The following LPIN1 variants were observed in gnomAD, a reference collection of about 807,000 sequenced individuals.
The protein encoded by LPIN1 is lipin 1, also known as phosphatidate phosphatase LPIN1.
LPIN1 carries 71 observed loss-of-function variants against 107.5 expected under a neutral mutation model. The observed-to-expected ratio is 0.66, with a 90% confidence interval of 0.55 to 0.80. The LOEUF (loss-of-function observed/expected upper bound fraction) is 0.80, where lower values mean the gene tolerates loss of function less well. Among genes scored for constraint, LPIN1 ranks in the 30% least tolerant of loss-of-function variants. The probability of loss-of-function intolerance (pLI) is 0.00; values close to 1 mark genes in which losing one functional copy is unlikely to be tolerated. For missense variants in LPIN1, 1,043 were observed against 1,160.6 expected, an observed-to-expected ratio of 0.90 and a Z score of 1.47; for synonymous variants, 445 against 452.6, an observed-to-expected ratio of 0.98 and a Z score of 0.21.
intron 20 of LPIN1, among the ~76,000 whole-genome samples, chr2:11,823,648 G>A (rs1054041863): frequency 6.6e-6 from 1 of 152,220 alleles, no homozygotes; most frequent in Non-Finnish European, 1.5e-5. Context: ...CTGTCAAGGA[G>A]GAATCTGGGG....
intron 1 of LPIN1, among the ~76,000 whole-genome samples, chr2:11,703,995 G>A (rs969797738): frequency 6.6e-6 from 1 of 152,158 alleles, no homozygotes; most frequent in East Asian, 1.9e-4. Context: ...TGCCTTGGTG[G>A]GGGTGGCTGG....
intron 17 of LPIN1, among the ~76,000 whole-genome samples, chr2:11,808,769 G>A (rs549070273): frequency 6.6e-6 from 1 of 151,918 alleles, no homozygotes; most frequent in South Asian, 2.1e-4. Context: ...AGCTGCTCGG[G>A]AGGCTGAGGC....
chr2:11,814,983 T>G, intron 17 of LPIN1, 105 bp from the exon 18 acceptor site: 1 of 1,104,550 alleles, frequency 9.1e-7, no homozygotes, highest in Non-Finnish European at 1.4e-6. Context: ...TGGGGGAACT[T>G]GAAACAGTGC....
chr2:11,678,793 T>C (rs1661560152), intron 1 of LPIN1, among the ~76,000 whole-genome samples: 1 of 152,156 alleles, frequency 6.6e-6, no homozygotes, highest in Non-Finnish European at 1.5e-5. Context: ...GCTTGGCCCT[T>C]TGGGCAAGTA....
chr2:11,726,267 C>A (rs1026026068), intron 1 of LPIN1, among the ~76,000 whole-genome samples: 2 of 152,162 alleles, frequency 1.3e-5, no homozygotes, highest in Non-Finnish European at 2.9e-5. Context: ...CTCTCCCGGA[C>A]CTTCAGGACA....
rs193224259 is a variant in LPIN1, at chr2:11,739,002, C to T, written c.-71-2347C>T. Among the ~76,000 whole-genome samples the T allele has an allele frequency of 3.1e-3, 466 of 152,322 alleles. 2 individuals carry two copies. Among genetic ancestry groups the T allele is most frequent in the Non-Finnish European group, 5.2e-3 (356 of 68,032 alleles). On this transcript the variant is annotated intron_variant, in intron 1 of 21. Transcript: ENST00000396097. ...TGATAGTCTTCCTTTCAAAAAGAGG[C>T]GCCTACACCTACCTCCCTTGAATGT...
intron 3 of LPIN1, among the ~76,000 whole-genome samples, chr2:11,768,655 G>A (rs948558430): frequency 2.6e-5 from 4 of 151,908 alleles, no homozygotes; most frequent in Non-Finnish European, 4.4e-5. Flanking sequence ...AACAACTTGG[G>A]GCTGGGCATG....
chr2:11,685,853 T>A (rs568329410), intron 1 of LPIN1, among the ~76,000 whole-genome samples: 8 of 152,342 alleles, frequency 5.3e-5, no homozygotes, highest in African/African-American at 1.4e-4. Flanking sequence ...TTCTCTTTTC[T>A]CAGCCCTTCA....
At chr2:11,742,047 C>T (rs1666414665), upstream of LPIN1, 1 of 152,146 alleles carries the variant, frequency 6.6e-6, no homozygotes, top group African/African-American at 2.4e-5. Context: ...CTCTGTTTAA[C>T]AGCTGAGGAC....
intron 1 of LPIN1, among the ~76,000 whole-genome samples, chr2:11,708,056 G>A (rs1663214773): frequency 6.6e-6 from 1 of 152,070 alleles, no homozygotes; most frequent in Non-Finnish European, 1.5e-5. Flanking sequence ...GTGTCAGGCA[G>A]TGGGGCAGCA....
chr2:11,677,944 G>A (rs1219443649), intron 1 of LPIN1, among the ~76,000 whole-genome samples: 7 of 152,390 alleles, frequency 4.6e-5, no homozygotes, highest in Admixed American at 1.3e-4. Context: ...AGAGGAGGCT[G>A]TAGAACTTAT....
chr2:11,703,075 T>C (rs1482130396), intron 1 of LPIN1, among the ~76,000 whole-genome samples: 13 of 152,110 alleles, frequency 8.5e-5, no homozygotes, highest in Non-Finnish European at 1.9e-4. Flanking sequence ...AGATTAGAGG[T>C]TTTGGCAAAT....
chr2:11,750,275 G>C (rs1291324904), intron 1 of LPIN1, among the ~76,000 whole-genome samples: 1 of 152,216 alleles, frequency 6.6e-6, no homozygotes, highest in Non-Finnish European at 1.5e-5. Flanking sequence ...AGACAAGACA[G>C]GCGCCCAGAC....
rs188231029 is a variant in LPIN1, at chr2:11,697,821, A to G, written c.82-15935A>G. On this transcript the variant is annotated intron_variant, in intron 1 of 21. Transcript: ENST00000449576. The surrounding 1 kb of genome is among the most constrained non-coding windows in gnomAD (Gnocchi z 4.6). ...ACAACCCCCTCCTCCCCATCTCACC[A>G]GGCCAGGGAACAAGCCCTACCGCAC... Among the ~76,000 whole-genome samples, 263 of 152,220 alleles carry G rather than the reference A, an allele frequency of 1.7e-3. 1 individual carries two copies. The highest frequency in any genetic ancestry group is 3.3e-3 in the Non-Finnish European group (227 of 68,002).
At chr2:11,747,576 G>C (rs563566506) in intron 1 of LPIN1, among the ~76,000 whole-genome samples, 1 of 152,312 alleles carries the variant, frequency 6.6e-6, no homozygotes, top group East Asian at 1.9e-4. Context: ...AAAGCTTGTA[G>C]CCGTTTTTTT....
rs7599595 is a variant in LPIN1, at chr2:11,765,512, T to G, written c.-9-21T>G. 4,045 of 1,469,614 alleles carry G rather than the reference T, an allele frequency of 2.8e-3. 85 individuals are homozygous for G. The African/African-American group carries it at 0.086, about 31-fold the overall frequency. The allele number at this position is 1,469,614 out of a possible 1,614,324, so 91.0% of individuals were successfully genotyped here. A position where few individuals can be genotyped will look rare whatever the true frequency, so the allele number is the denominator to read the frequency against. On this transcript the variant is annotated intron_variant, in intron 1 of 20. Coordinates refer to ENST00000674199, the MANE Select transcript of LPIN1 (RefSeq NM_001349206.2). The surrounding 1 kb of genome is among the most constrained non-coding windows in gnomAD (Gnocchi z 4.4). ...GGATTAATTGTGTGTCTGTGTGTGT[T>G]TTTTTTTGTCTGTTTTCCAGGTGCA...
intron 18 of LPIN1, chr2:11,816,072 A>G: frequency 6.6e-6 from 1 of 152,220 alleles, no homozygotes; most frequent in East Asian, 1.9e-4. Context: ...TGAAGACCAG[A>G]TGAACTGTTT....
chr2:11,722,689 G>T (rs1241253943), upstream of LPIN1, among the ~76,000 whole-genome samples: 1 of 152,230 alleles, frequency 6.6e-6, no homozygotes, highest in Non-Finnish European at 1.5e-5. Context: ...GCAGGCTTCA[G>T]TAACACCCCT....
intron 1 of LPIN1, among the ~76,000 whole-genome samples, chr2:11,759,946 G>T (rs75250555): frequency 0.017 from 2,597 of 148,794 alleles, 23 homozygotes; most frequent in African/African-American, 0.061. Context: ...GGGCGGAGGG[G>T]CTCCTCACTT....
Sources: allele counts gnomAD v4.1 joint callset (sites outside exome capture counted in the v4.1 genomes callset), GRCh38; gene constraint gnomAD v4.1.1; non-coding constraint Gnocchi (gnomAD v3.1); transcripts MANE v1.5; gene names NCBI Gene and HGNC (gene_info 2026-07-23, HGNC 2026-07-21).